CDH7: variants seen among roughly 807,000 people sequenced by gnomAD.
CDH7 encodes the protein cadherin 7.
A neutral mutation model predicts 71.8 loss-of-function variants in CDH7; 25 were observed. The ratio of observed to expected loss-of-function variants is 0.35; its 90% CI spans 0.25 to 0.49. The LOEUF (loss-of-function observed/expected upper bound fraction) is 0.49. Among genes scored for constraint, CDH7 ranks in the 20% least tolerant of loss-of-function variants. CDH7 has a pLI of 0.99. For synonymous variants in CDH7, 381 were observed against 363.8 expected, an observed-to-expected ratio of 1.05 and a Z score of -0.54; for missense variants, 862 against 974.6, an observed-to-expected ratio of 0.88 and a Z score of 1.54.
chr18:65,778,245 A>G (rs1055950411), intron 2 of CDH7, among the ~76,000 whole-genome samples: 3 of 138,866 alleles, frequency 2.2e-5, no homozygotes, highest in Middle Eastern at 3.5e-3. Context: ...GCACTCCAGC[A>G]TGGGTGACAG....
At chr18:65,775,777 A>G (rs915625875) in intron 2 of CDH7, among the ~76,000 whole-genome samples, 2 of 152,154 alleles carry the variant, frequency 1.3e-5, no homozygotes, top group African/African-American at 2.4e-5. Context: ...AGTATGGTCT[A>G]AGGAAAAAAC....
chr18:65,769,029 T>C (rs564172485), intron 2 of CDH7, among the ~76,000 whole-genome samples: 1 of 152,210 alleles, frequency 6.6e-6, no homozygotes, highest in South Asian at 2.1e-4. Context: ...TTTCATAAAA[T>C]TCACAGTCTG....
intron 1 of CDH7, among the ~76,000 whole-genome samples, chr18:65,751,903 T>A (rs1915892354): frequency 6.6e-6 from 1 of 152,198 alleles, no homozygotes; most frequent in Non-Finnish European, 1.5e-5. Flanking sequence ...CTGTACCGCT[T>A]CACGTTTTAG....
intron 6 of CDH7, among the ~76,000 whole-genome samples, chr18:65,826,935 T>A (rs1410234468): frequency 6.6e-6 from 1 of 151,602 alleles, no homozygotes; most frequent in African/African-American, 2.4e-5. Context: ...CGTAATATTC[T>A]ATTTAATAAA....
In CDH7 at chr18:65,822,122, A is replaced by G; in HGVS notation, c.667A>G (p.Lys223Glu). Residue 223 changes from lysine (K) to glutamate (E), a missense_variant, in exon 5 of 12, where the codon AAA becomes GAA. Lys to Glu is a moderately conservative substitution (Grantham distance 56, BLOSUM62 1). Coordinates refer to ENST00000397968, the MANE Select transcript of CDH7 (RefSeq NM_004361.5). Reference protein sequence around the residue: ...TALPNMDREAKDQYLLVIQAK... With the variant: ...TALPNMDREAEDQYLLVIQAK... ...CCTTCCAAACATGGATAGAGAGGCT[A>G]AAGACCAGTATTTGCTTGTCATTCA... 6.2e-7 allele frequency: 1 copy of G among 1,613,078 alleles called. No individual in the cohort carries two copies. The highest frequency in any genetic ancestry group is 1.1e-5 in the South Asian group (1 of 91,052).
chr18:65,782,598 C>G (rs1233905528), intron 2 of CDH7, among the ~76,000 whole-genome samples: 1 of 152,154 alleles, frequency 6.6e-6, no homozygotes, highest in East Asian at 1.9e-4. Flanking sequence ...ACACCATGAA[C>G]ACTGAATTGG....
intron 2 of CDH7, among the ~76,000 whole-genome samples, chr18:65,789,203 G>T (rs1259055117): frequency 6.6e-6 from 1 of 152,116 alleles, no homozygotes; most frequent in Non-Finnish European, 1.5e-5. Context: ...AATCAGCCTG[G>T]GACATCAGGC....
intron 7 of CDH7, among the ~76,000 whole-genome samples, chr18:65,850,249 G>A (rs1405470329): frequency 6.7e-6 from 1 of 149,400 alleles, no homozygotes; most frequent in Non-Finnish European, 1.5e-5. Context: ...AATGTTCTTG[G>A]TGTAAATCAT....
chr18:65,860,149 A>G (rs1239710299), intron 10 of CDH7, among the ~76,000 whole-genome samples: 1 of 152,178 alleles, frequency 6.6e-6, no homozygotes, highest in African/African-American at 2.4e-5. Flanking sequence ...AAATACCCTA[A>G]TAAGTACTAT....
chr18:65,857,055 T>C (rs984333087), intron 7 of CDH7, among the ~76,000 whole-genome samples: 2 of 151,106 alleles, frequency 1.3e-5, no homozygotes, highest in Non-Finnish European at 2.9e-5. Flanking sequence ...AACAGGTTGG[T>C]GCCGTCAGAA....
rs537007877 is a variant in CDH7 at position 65,831,715 on chromosome 18, A to G, written c.981+6884A>G. Among the ~76,000 whole-genome samples the G allele has an allele frequency of 3.9e-5, 6 of 152,092 alleles. No homozygotes were observed. The East Asian group carries it at 9.7e-4, about 25-fold the overall frequency. On this transcript the variant is annotated intron_variant, in intron 6 of 11. Coordinates refer to ENST00000397968, the MANE Select transcript of CDH7 (RefSeq NM_004361.5). ...AATAAATGAGTCCCCTAATTTCCAT[A>G]TTCTTTCCCTACCAGAAAGTAGTGG...
intron 5 of CDH7, among the ~76,000 whole-genome samples, chr18:65,823,677 C>A (rs150554958): frequency 6.6e-6 from 1 of 152,014 alleles, no homozygotes; most frequent in Middle Eastern, 3.4e-3. Flanking sequence ...TTCACAAAGT[C>A]TAGAAAATTG....
intron 6 of CDH7, among the ~76,000 whole-genome samples, chr18:65,836,945 A>C (rs1216191449): frequency 6.6e-6 from 1 of 152,184 alleles, no homozygotes; most frequent in Non-Finnish European, 1.5e-5. Context: ...TAGAAAGATA[A>C]GAAAGTATCA....
At chr18:65,763,594 G>GTGTGTGT (rs1555680614) in intron 2 of CDH7, among the ~76,000 whole-genome samples, 43 of 99,210 alleles carry the variant, frequency 4.3e-4, no homozygotes, top group African/African-American at 1.5e-3. Context: ...TTGATAGGGG[G>GTGTGTGT]GTGTGTGTGT....
chr18:65,874,373 T>TA (rs920422935), intron 11 of CDH7, among the ~76,000 whole-genome samples: 5 of 152,038 alleles, frequency 3.3e-5, no homozygotes, highest in East Asian at 1.9e-4. Flanking sequence ...TTAAATATGT[T>TA]AAAAAAAATT....
chr18:65,775,040 A>G (rs1909885339), intron 2 of CDH7, among the ~76,000 whole-genome samples: 1 of 152,196 alleles, frequency 6.6e-6, no homozygotes. Flanking sequence ...TGTTGAACCC[A>G]GAAAGTAAGG....
chr18:65,839,449 A>C (rs1912649415), intron 6 of CDH7, among the ~76,000 whole-genome samples: 1 of 152,154 alleles, frequency 6.6e-6, no homozygotes, highest in Non-Finnish European at 1.5e-5. Context: ...CACACTCAAA[A>C]GCTAATTAAA....
At chr18:65,807,827 G>A (rs1311591588) in intron 2 of CDH7, among the ~76,000 whole-genome samples, 2 of 152,186 alleles carry the variant, frequency 1.3e-5, no homozygotes, top group African/African-American at 4.8e-5. Context: ...ACCACTGGAA[G>A]CACTGAGCTT....
intron 2 of CDH7, among the ~76,000 whole-genome samples, chr18:65,766,643 C>T (rs1440449529): frequency 6.6e-6 from 1 of 151,950 alleles, no homozygotes; most frequent in Non-Finnish European, 1.5e-5. Context: ...AATAGTGCCC[C>T]TTTCCTTACA....
Sources: allele counts gnomAD v4.1 joint callset (sites outside exome capture counted in the v4.1 genomes callset), GRCh38; gene constraint gnomAD v4.1.1; transcripts MANE v1.5; gene names NCBI Gene and HGNC (gene_info 2026-07-23, HGNC 2026-07-21).